IMMP2L: variants seen among roughly 807,000 people sequenced by gnomAD.
IMMP2L encodes inner mitochondrial membrane peptidase subunit 2.
IMMP2L carries 18 observed loss-of-function variants against 19.3 expected under a neutral mutation model. That is an observed-to-expected ratio of 0.93 (90% confidence interval 0.64 to 1.38). IMMP2L has a LOEUF of 1.38. Among genes scored for constraint, IMMP2L ranks in the 40% most tolerant of loss-of-function variants. IMMP2L has a pLI of 0.00. For missense variants in IMMP2L, 233 were observed against 218.2 expected, an observed-to-expected ratio of 1.07 and a Z score of -0.43; for synonymous variants, 76 against 73.0, an observed-to-expected ratio of 1.04 and a Z score of -0.21.
At chr7:111,345,554 G>C (rs1413205707) in intron 3 of IMMP2L, among the ~76,000 whole-genome samples, 2 of 152,136 alleles carry the variant, frequency 1.3e-5, no homozygotes, top group Non-Finnish European at 2.9e-5. Context: ...ACAGGAATTG[G>C]TTACCACAGA....
intron 3 of IMMP2L, among the ~76,000 whole-genome samples, chr7:111,476,790 CA>C (rs1375469925): frequency 2.0e-5 from 3 of 152,162 alleles, no homozygotes; most frequent in Non-Finnish European, 4.4e-5. Context: ...CAATGTGTTG[CA>C]TCCTTCTTGT....
At position 110,837,271 on chromosome 7, in the gene IMMP2L, C is replaced by T. The variant is rs547544127; in HGVS notation, c.408+49322G>A. 9.9e-5 allele frequency among the ~76,000 whole-genome samples: 15 copies of T among 150,880 alleles called. No individual in the cohort carries two copies. The South Asian group carries it at 3.2e-3, about 32-fold the overall frequency. ...AGTTACAGAATATGTGTATGGTATTCCAGTTTAGGAGAGAAGAAAGGGAGG... is the reference window on the plus strand; with the variant it reads ...AGTTACAGAATATGTGTATGGTATTTCAGTTTAGGAGAGAAGAAAGGGAGG... On this transcript the variant is annotated intron_variant, in intron 5 of 5. Coordinates refer to ENST00000405709, the MANE Select transcript of IMMP2L (RefSeq NM_032549.4).
chr7:110,817,439 A>T (rs548722177), intron 5 of IMMP2L, among the ~76,000 whole-genome samples: 53 of 152,074 alleles, frequency 3.5e-4, no homozygotes, highest in Non-Finnish European at 6.3e-4. Flanking sequence ...AGAACTACAA[A>T]CCACTGCTCA....
intron 3 of IMMP2L, among the ~76,000 whole-genome samples, chr7:110,975,604 G>A (rs767438326): frequency 2.0e-5 from 3 of 152,050 alleles, no homozygotes; most frequent in Non-Finnish European, 4.4e-5. Context: ...TTAATTTTCA[G>A]GACCACAGCT....
intron 1 of IMMP2L, among the ~76,000 whole-genome samples, chr7:111,533,040 G>A (rs1847546917): frequency 6.6e-6 from 1 of 152,072 alleles, no homozygotes; most frequent in African/African-American, 2.4e-5. Context: ...TGGCAACAAA[G>A]GCCAAGTTAG....
intron 3 of IMMP2L, among the ~76,000 whole-genome samples, chr7:111,216,439 G>A (rs73714691): frequency 0.018 from 2,725 of 152,070 alleles, 91 homozygotes; most frequent in African/African-American, 0.061. Context: ...AATTTATGGC[G>A]TACAAAGTGA....
intron 3 of IMMP2L, among the ~76,000 whole-genome samples, chr7:111,282,153 G>A (rs1487432841): frequency 6.6e-6 from 1 of 152,084 alleles, no homozygotes; most frequent in Non-Finnish European, 1.5e-5. Flanking sequence ...GGCTATGATG[G>A]AAAACAAGCA....
At chr7:111,382,804 G>A (rs1831334387) in intron 3 of IMMP2L, among the ~76,000 whole-genome samples, 1 of 152,058 alleles carries the variant, frequency 6.6e-6, no homozygotes, top group South Asian at 2.1e-4. Context: ...AAGAGGCAAA[G>A]ATAAATTCAG....
At chr7:111,518,125 T>C (rs967591331) in intron 2 of IMMP2L, among the ~76,000 whole-genome samples, 1 of 152,074 alleles carries the variant, frequency 6.6e-6, no homozygotes, top group African/African-American at 2.4e-5. Context: ...ACTTAATGAA[T>C]TGCAAATTAA....
intron 3 of IMMP2L, among the ~76,000 whole-genome samples, chr7:111,146,232 G>A (rs1022472103): frequency 1.4e-5 from 2 of 146,352 alleles, no homozygotes; most frequent in African/African-American, 5.1e-5. Flanking sequence ...AGGAAGGAAA[G>A]AGGTGGGGGA....
At chr7:110,801,366 G>C (rs1365810065) in intron 5 of IMMP2L, among the ~76,000 whole-genome samples, 2 of 151,980 alleles carry the variant, frequency 1.3e-5, no homozygotes, top group Non-Finnish European at 2.9e-5. Flanking sequence ...AAAAACAAAA[G>C]TATGCTCTCT....
intron 3 of IMMP2L, among the ~76,000 whole-genome samples, chr7:111,067,319 A>T (rs1016309371): frequency 6.6e-6 from 1 of 152,206 alleles, no homozygotes; most frequent in African/African-American, 2.4e-5. Context: ...TTAAACTCTC[A>T]TATCTACCAC....
intron 3 of IMMP2L, among the ~76,000 whole-genome samples, chr7:111,298,815 G>A (rs1406588598): frequency 1.3e-5 from 2 of 150,034 alleles, no homozygotes; most frequent in African/African-American, 4.9e-5. Context: ...ATCTAAATAA[G>A]GTGATGGAGA....
At chr7:110,814,030 G>T (rs1330441433) in intron 5 of IMMP2L, among the ~76,000 whole-genome samples, 1 of 151,848 alleles carries the variant, frequency 6.6e-6, no homozygotes, top group Non-Finnish European at 1.5e-5. Context: ...ATTAACTAAA[G>T]ACATCAATTC....
rs1563163717 is a variant in IMMP2L, at chr7:111,016,930, CTAAT to C, written c.240-53369_240-53366del. 5.1e-5 allele frequency among the ~76,000 whole-genome samples: 5 copies of C among 97,324 alleles called. No individual in the cohort carries two copies. The East Asian group carries it at 1.1e-3, about 21-fold the overall frequency. The allele number at this position is 97,324 out of a possible 152,430, so 63.8% of individuals were successfully genotyped here. A position where few individuals can be genotyped will look rare whatever the true frequency, so the allele number is the denominator to read the frequency against. ...ATAATTATATATATATTTATATATA[CTAAT>C]ATATATTACATATATGATATATAAT... On this transcript the variant is annotated intron_variant, in intron 3 of 5. Coordinates refer to ENST00000405709, the MANE Select transcript of IMMP2L (RefSeq NM_032549.4).
At chr7:111,423,664 T>C (rs1835800459) in intron 3 of IMMP2L, among the ~76,000 whole-genome samples, 1 of 151,674 alleles carries the variant, frequency 6.6e-6, no homozygotes, top group African/African-American at 2.4e-5. Context: ...AAGCAGTGTG[T>C]AGAGGGAAAT....
Position 110,874,103 on chromosome 7 carries a change from T to C in IMMP2L, c.408+12490A>G, listed in dbSNP as rs559138228. Among the ~76,000 whole-genome samples the C allele has an allele frequency of 1.3e-4, 20 of 152,276 alleles. No homozygotes were observed. In the East Asian group the frequency reaches 3.7e-3, roughly 28 times the overall value. Reference sequence around the variant, plus strand: ...TGATTTTGTTTTGCATGATTTGTGATGTTTTTGGCTGGCTTTTAAACAGGA... The same window carrying C: ...TGATTTTGTTTTGCATGATTTGTGACGTTTTTGGCTGGCTTTTAAACAGGA... On this transcript the variant is annotated intron_variant, in intron 5 of 5. Coordinates refer to ENST00000405709, the MANE Select transcript of IMMP2L (RefSeq NM_032549.4).
chr7:111,538,161 G>A (rs1380118632), intron 1 of IMMP2L, among the ~76,000 whole-genome samples: 2 of 151,792 alleles, frequency 1.3e-5, no homozygotes, highest in African/African-American at 4.9e-5. Context: ...TTCTGCGCGA[G>A]CAGAAACACT....
chr7:110,685,476 A>G (rs1415731578), intron 5 of IMMP2L, among the ~76,000 whole-genome samples: 1 of 152,162 alleles, frequency 6.6e-6, no homozygotes, highest in Non-Finnish European at 1.5e-5. Flanking sequence ...CTGCACAACA[A>G]TAATAACAAG....
Sources: allele counts gnomAD v4.1 joint callset (sites outside exome capture counted in the v4.1 genomes callset), GRCh38; gene constraint gnomAD v4.1.1; transcripts MANE v1.5; gene names NCBI Gene and HGNC (gene_info 2026-07-23, HGNC 2026-07-21).